STK3: variants seen among roughly 807,000 people sequenced by gnomAD.
The protein encoded by STK3 is serine/threonine-protein kinase 3.
In STK3, 41 loss-of-function variants were observed where a neutral mutation model predicts 58.0. That is an observed-to-expected ratio of 0.71 (90% CI 0.55 to 0.92). STK3 has a LOEUF of 0.92. Ranked by LOEUF, STK3 falls within the 40% of genes least tolerant of loss-of-function variation. STK3 has a pLI of 0.00. For synonymous variants in STK3, 170 were observed against 191.0 expected (o/e 0.89, Z 0.91); for missense variants, 479 against 602.7 (o/e 0.79, Z 2.15).
At chr8:98,782,453 C>A in intron 1 of STK3, 1 of 262,280 alleles carries the variant, frequency 3.8e-6, no homozygotes, top group South Asian at 5.3e-5. Context: ...GGTGGATTCT[C>A]ATGGAACACA....
chr8:98,483,575 G>A (rs1233441377), intron 10 of STK3, among the ~76,000 whole-genome samples: 4 of 152,108 alleles, frequency 2.6e-5, no homozygotes, highest in Non-Finnish European at 5.9e-5. Flanking sequence ...TGTTTTTAAG[G>A]CAGTAAATAC....
intron 6 of STK3, among the ~76,000 whole-genome samples, chr8:98,621,066 A>T (rs1258935747): frequency 6.6e-6 from 1 of 150,908 alleles, no homozygotes; most frequent in Non-Finnish European, 1.5e-5. Flanking sequence ...AGTAGCTGGG[A>T]CTACAGGCGC....
intron 1 of STK3, among the ~76,000 whole-genome samples, chr8:98,813,036 A>T (rs1387698678): frequency 9.9e-5 from 1 of 10,136 alleles, no homozygotes; most frequent in Non-Finnish European, 1.7e-4. Context: ...AAAGCACAAT[A>T]AAAAAAAAAA....
At chr8:98,346,504 A>G in the STK3 span, among the ~76,000 whole-genome samples, 2 of 152,010 alleles carry the variant, frequency 1.3e-5, no homozygotes, top group African/African-American at 4.8e-5. Context: ...AACATGAAGA[A>G]AAGCATATGA....
chr8:98,373,093 T>G (rs557159474), intron 2 of STK3, among the ~76,000 whole-genome samples: 18 of 152,306 alleles, frequency 1.2e-4, no homozygotes, highest in African/African-American at 4.3e-4. Context: ...GGAAATTCGT[T>G]GGGTCTGCCC....
chr8:98,644,471 T>A (rs1361240213), intron 6 of STK3, among the ~76,000 whole-genome samples: 1 of 152,202 alleles, frequency 6.6e-6, no homozygotes, highest in African/African-American at 2.4e-5. Context: ...TTAGAAAAGC[T>A]TCTGAGAAAA....
intron 6 of STK3, among the ~76,000 whole-genome samples, chr8:98,618,830 G>C (rs1423447455): frequency 4.7e-5 from 7 of 149,756 alleles, no homozygotes; most frequent in African/African-American, 1.0e-4. Flanking sequence ...CAAACAAATG[G>C]AAGAACATTC....
At chr8:98,915,432 C>CTATATATATATT (rs1839307572) in intron 1 of STK3, among the ~76,000 whole-genome samples, 1 of 94,720 alleles carries the variant, frequency 1.1e-5, no homozygotes, top group Non-Finnish European at 2.0e-5. Flanking sequence ...ATAAACTTTC[C>CTATATATATATT]TATATATATA....
At chr8:98,935,173 G>T (rs1840152145) in intron 1 of STK3, among the ~76,000 whole-genome samples, 1 of 152,154 alleles carries the variant, frequency 6.6e-6, no homozygotes, top group Non-Finnish European at 1.5e-5. Flanking sequence ...AGGTGGGGGT[G>T]GGGGGCTTGC....
chr8:98,743,924 A>G (rs1282905830), intron 4 of STK3, among the ~76,000 whole-genome samples: 1 of 152,238 alleles, frequency 6.6e-6, no homozygotes, highest in Non-Finnish European at 1.5e-5. Context: ...GGCGAAGGAC[A>G]TGAACAGACA....
chr8:98,507,606 A>G (rs1344710686), intron 10 of STK3, among the ~76,000 whole-genome samples: 1 of 152,172 alleles, frequency 6.6e-6, no homozygotes, highest in Admixed American at 6.5e-5. Flanking sequence ...CAAATGCCCA[A>G]ATCTTTACAA....
chr8:98,479,178 T>C (rs1211856643), intron 10 of STK3, among the ~76,000 whole-genome samples: 1 of 152,086 alleles, frequency 6.6e-6, no homozygotes, highest in African/African-American at 2.4e-5. Flanking sequence ...AGCAGGAAAC[T>C]TGACAGGCAG....
At chr8:98,882,249 T>C (rs893112609), downstream of STK3, 1 of 152,106 alleles carries the variant, frequency 6.6e-6, no homozygotes, top group African/African-American at 2.4e-5. Flanking sequence ...CTTTTTAAAA[T>C]TTTTTTATTT....
intron 3 of STK3, among the ~76,000 whole-genome samples, chr8:98,407,365 T>C (rs556987755): frequency 1.3e-5 from 2 of 152,278 alleles, no homozygotes; most frequent in East Asian, 3.9e-4. Context: ...AGGCTATTCC[T>C]ACGTCCTTCA....
intron 3 of STK3, among the ~76,000 whole-genome samples, chr8:98,857,488 A>G (rs1404760281): frequency 1.3e-5 from 2 of 150,264 alleles, no homozygotes; most frequent in Non-Finnish European, 2.9e-5. Flanking sequence ...AGGAAAATGT[A>G]TTTGCCTTAT....
At chr8:98,671,024 C>G (rs1020168491) in intron 6 of STK3, among the ~76,000 whole-genome samples, 5 of 152,088 alleles carry the variant, frequency 3.3e-5, no homozygotes, top group African/African-American at 1.2e-4. Flanking sequence ...CTCCTGCGAG[C>G]CCAGCAAAGG....
intron 10 of STK3, among the ~76,000 whole-genome samples, chr8:98,461,746 A>G (rs1237306269): frequency 6.6e-6 from 1 of 152,144 alleles, no homozygotes; most frequent in Non-Finnish European, 1.5e-5. Flanking sequence ...TTTATGGAAC[A>G]GTTTTGCTGG....
At chr8:98,784,950 C>T (rs1372368967) in intron 1 of STK3, among the ~76,000 whole-genome samples, 4 of 151,172 alleles carry the variant, frequency 2.6e-5, no homozygotes, top group Admixed American at 6.6e-5. Context: ...TGTAGGGAGG[C>T]CCTCTCTGCT....
At chr8:98,419,273 A>G (rs1192037733) in intron 3 of STK3, among the ~76,000 whole-genome samples, 1 of 152,108 alleles carries the variant, frequency 6.6e-6, no homozygotes, top group Non-Finnish European at 1.5e-5. Flanking sequence ...AGGCAGGATA[A>G]TCGCTTGAAC....
Sources: allele counts gnomAD v4.1 joint callset (sites outside exome capture counted in the v4.1 genomes callset), GRCh38; gene constraint gnomAD v4.1.1; transcripts MANE v1.5; gene names NCBI Gene and HGNC (gene_info 2026-07-23, HGNC 2026-07-21).